PLEKHH1: variants seen among roughly 807,000 people sequenced by gnomAD.
PLEKHH1 encodes the protein pleckstrin homology, MyTH4 and FERM domain containing H1, also known as pleckstrin homology domain-containing family H member 1.
Under a neutral mutation model 160.0 loss-of-function variants are expected in PLEKHH1, and 104 were observed. That is an observed-to-expected ratio of 0.65 (90% CI 0.55 to 0.76). PLEKHH1 has a LOEUF of 0.76. Ranked by LOEUF, PLEKHH1 falls within the 30% of genes least tolerant of loss-of-function variation. The pLI, the probability that PLEKHH1 is intolerant of heterozygous loss-of-function variation, is 0.00. For missense variants in PLEKHH1, 1,427 were observed against 1,724.1 expected (o/e 0.83, Z 3.05); for synonymous variants, 619 against 678.4 (o/e 0.91, Z 1.36).
At chr14:67,552,991 C>G (rs541723685) in intron 2 of PLEKHH1, among the ~76,000 whole-genome samples, 1 of 152,132 alleles carries the variant, frequency 6.6e-6, no homozygotes, top group African/African-American at 2.4e-5. Context: ...AATAACAGAG[C>G]GATTTCTGGT....
intron 28 of PLEKHH1, chr14:67,586,723 C>A: frequency 9.5e-7 from 1 of 1,049,770 alleles, no homozygotes; most frequent in African/African-American, 1.6e-5. Flanking sequence ...TAGAGTTTGC[C>A]AAACCTACTC....
intron 2 of PLEKHH1, among the ~76,000 whole-genome samples, chr14:67,544,788 TG>T (rs1182197747): frequency 6.6e-6 from 1 of 152,228 alleles, no homozygotes; most frequent in Non-Finnish European, 1.5e-5. Context: ...ATAGACTTAA[TG>T]GACAGGAAGA....
chr14:67,579,892 T>C lies in PLEKHH1; in HGVS notation c.3183+16T>C. ...AAGTGTCAAGGTGACAGCCTCCCAC[T>C]AAGCCAGCTGAGCCCCTCCCTGCTC... On this transcript the variant is annotated intron_variant, in intron 22 of 28. Coordinates refer to ENST00000329153, the MANE Select transcript of PLEKHH1 (RefSeq NM_020715.3). 3.8e-6 allele frequency: 6 copies of C among 1,583,518 alleles called. No individual in the cohort carries two copies. The highest frequency in any genetic ancestry group is 5.2e-6 in the Non-Finnish European group (6 of 1,164,548).
chr14:67,549,722 C>T (rs929625036), intron 2 of PLEKHH1, among the ~76,000 whole-genome samples: 2 of 152,164 alleles, frequency 1.3e-5, no homozygotes, highest in Non-Finnish European at 2.9e-5. Flanking sequence ...AGGCTGCATC[C>T]CTGAAGGAGT....
chr14:67,576,032 G>T lies in PLEKHH1; in HGVS notation c.2352+27G>T. Reference sequence around the variant, plus strand: ...TAAGGAAGAGGGCTGGGCCTCCAGGGCCAAGCTTGGACCTGTGATTCTGAT... The same window carrying T: ...TAAGGAAGAGGGCTGGGCCTCCAGGTCCAAGCTTGGACCTGTGATTCTGAT... On this transcript the variant is annotated intron_variant, in intron 16 of 28. Coordinates refer to ENST00000329153, the MANE Select transcript of PLEKHH1 (RefSeq NM_020715.3). The surrounding 1 kb of genome is among the most constrained non-coding windows in gnomAD (Gnocchi z 4.0). 1 of 1,548,876 alleles carries T rather than the reference G, an allele frequency of 6.5e-7. No homozygotes were observed. Among genetic ancestry groups the T allele is most frequent in the Non-Finnish European group, 8.8e-7 (1 of 1,131,318 alleles).
In PLEKHH1 at chr14:67,576,645, C is replaced by T; in HGVS notation, c.2461+142C>T. The T allele has an allele frequency of 1.8e-6, 1 of 547,946 alleles. No individual in the cohort carries two copies. Among genetic ancestry groups the T allele is most frequent in the South Asian group, 2.2e-5 (1 of 45,830 alleles). The allele number at this position is 547,946 out of a possible 1,614,324, so 33.9% of individuals were successfully genotyped here. A position where few individuals can be genotyped will look rare whatever the true frequency, so the allele number is the denominator to read the frequency against. On this transcript the variant is annotated intron_variant, in intron 17 of 28. Coordinates refer to ENST00000329153, the MANE Select transcript of PLEKHH1 (RefSeq NM_020715.3). The surrounding 1 kb of genome is among the most constrained non-coding windows in gnomAD (Gnocchi z 4.0). ...CACAGAGGGGAAGTTCCCATCCAAG[C>T]TCCAGGGCCCCTCTGTCTCCGGCTG...
At position 67,582,370 on chromosome 14, in the gene PLEKHH1, G is replaced by C. The variant is rs189102111; in HGVS notation, c.3426+160G>C. 1.5e-4 allele frequency: 186 copies of C among 1,256,778 alleles called. 3 individuals carry two copies. The highest frequency in any genetic ancestry group is 4.0e-4 in the South Asian group (30 of 74,258). 77.9% of individuals were successfully genotyped at this position (1,256,778 alleles called of 1,614,324 possible). ...GAAAGCAGCTGACTTCTACAGATCA[G>C]AGCTCCTCACTCACCGCAGATATAG... On this transcript the variant is annotated intron_variant, in intron 24 of 28. Coordinates refer to ENST00000329153, the MANE Select transcript of PLEKHH1 (RefSeq NM_020715.3). This position sits in a 1 kb window ranked among gnomAD's most constrained non-coding sequence, Gnocchi z 5.0.
chr14:67,555,568 G>A (rs1488379787), intron 2 of PLEKHH1, among the ~76,000 whole-genome samples: 2 of 152,162 alleles, frequency 1.3e-5, no homozygotes, highest in East Asian at 3.9e-4. Flanking sequence ...CCCTCCATCA[G>A]GACAAAAGAG....
rs770929022 is a variant in PLEKHH1, at chr14:67,574,332, G to A, written c.2017G>A (p.Val673Met). The A allele has an allele frequency of 6.2e-7, 1 of 1,602,938 alleles. No homozygotes were observed. The highest frequency in any genetic ancestry group is 8.5e-7 in the Non-Finnish European group (1 of 1,174,818). ...WIRVLQSLLK[V>M]QATGPPALLR... ...CCGAGTACTCCAGAGCCTGCTGAAGGTGCAGGCCACCGGGCCTCCAGCTCT... is the reference window on the plus strand; with the variant it reads ...CCGAGTACTCCAGAGCCTGCTGAAGATGCAGGCCACCGGGCCTCCAGCTCT... Residue 673 changes from valine to methionine, a missense_variant, in exon 14 of 29, where the codon GTG becomes ATG. By Grantham distance (21) the Val-to-Met change is conservative. Around this residue, in one of 6 missense-constraint regions of PLEKHH1, gnomAD observed 831 missense variants for 929.2 expected, o/e 0.89. Transcript: ENST00000329153. The surrounding 1 kb of genome is among the most constrained non-coding windows in gnomAD (Gnocchi z 4.2).
intron 3 of PLEKHH1, among the ~76,000 whole-genome samples, chr14:67,556,324 T>C (rs1353933062): frequency 6.6e-6 from 1 of 152,226 alleles, no homozygotes; most frequent in African/African-American, 2.4e-5. Context: ...TTATTAGAGA[T>C]GGGGTCTTGC....
chr14:67,578,754 G>A lies in PLEKHH1; in HGVS notation c.2849+123G>A, dbSNP rs911946996. 1.7e-5 allele frequency: 12 copies of A among 709,934 alleles called. No homozygotes were observed. The highest frequency in any genetic ancestry group is 8.7e-5 in the African/African-American group (5 of 57,362). 44.0% of individuals were successfully genotyped at this position (709,934 alleles called of 1,614,324 possible). On this transcript the variant is annotated intron_variant, in intron 20 of 28. Coordinates refer to ENST00000329153, the MANE Select transcript of PLEKHH1 (RefSeq NM_020715.3). This position sits in a 1 kb window ranked among gnomAD's most constrained non-coding sequence, Gnocchi z 5.0. ...TGTCCTCTGAAACCGCTCAGTGGTC[G>A]TGGAGACTTCACCCATTGCCGTGTG...
At chr14:67,546,175 A>G (rs1413557816) in intron 2 of PLEKHH1, among the ~76,000 whole-genome samples, 1 of 152,184 alleles carries the variant, frequency 6.6e-6, no homozygotes, top group Non-Finnish European at 1.5e-5. Flanking sequence ...TATAAAAACA[A>G]CCAAGTGTAG....
At position 67,588,849 on chromosome 14, in the gene PLEKHH1, C is replaced by G. The variant is rs560036675; in HGVS notation, c.*1614C>G. ...TGAACACCTCAGCTGCTGTAAGCTT[C>G]TCCTCTCTCACCCCGTAAACTGACA... On this transcript the variant is annotated 3_prime_UTR_variant, in exon 29 of 29. Coordinates refer to ENST00000329153, the MANE Select transcript of PLEKHH1 (RefSeq NM_020715.3). 9.2e-5 allele frequency: 14 copies of G among 152,784 alleles called. No homozygotes were observed. The South Asian group carries it at 2.9e-3, about 32-fold the overall frequency. 9.5% of individuals were successfully genotyped at this position (152,784 alleles called of 1,614,324 possible).
intron 1 of PLEKHH1, among the ~76,000 whole-genome samples, chr14:67,539,056 C>A (rs2033860755): frequency 6.6e-6 from 1 of 152,142 alleles, no homozygotes; most frequent in Non-Finnish European, 1.5e-5. Flanking sequence ...TTGCCCCTTG[C>A]TTTTATGCTT....
intron 21 of PLEKHH1, 187 bp from the exon 22 acceptor site, chr14:67,579,534 T>C: frequency 1.5e-6 from 1 of 658,400 alleles, no homozygotes; most frequent in East Asian, 2.8e-5. Context: ...GCCCAGTTCA[T>C]TTACAGTGGA....
chr14:67,559,561 C>T (rs371154196), intron 4 of PLEKHH1, 47 bp from the exon 5 acceptor site: 55 of 1,348,926 alleles, frequency 4.1e-5, no homozygotes, highest in Non-Finnish European at 5.2e-5. Flanking sequence ...GTCAGTCACT[C>T]TCCTGGTGAT....
In PLEKHH1 at chr14:67,587,116, T is replaced by G. The variant is rs765112012; in HGVS notation, c.3976T>G (p.Cys1326Gly). Reference sequence around the variant, plus strand: ...CATCATGGCCAGCTATATGAACCATTGCACTACAACTGTGAACCCCCCCAC... The same window carrying G: ...CATCATGGCCAGCTATATGAACCATGGCACTACAACTGTGAACCCCCCCAC... ...TFIMASYMNH[C>G]TTTVNPPTNP... Residue 1326 changes from cysteine to glycine, a missense_variant, in exon 29 of 29, where the codon TGC (cysteine) becomes GGC (glycine). By Grantham distance (159) the Cys-to-Gly change is radical. Transcript: ENST00000329153. 14 of 1,613,664 alleles carry G rather than the reference T, an allele frequency of 8.7e-6. No homozygotes were observed. Among genetic ancestry groups the G allele is most frequent in the Non-Finnish European group, 1.2e-5 (14 of 1,179,714 alleles).
intron 4 of PLEKHH1, among the ~76,000 whole-genome samples, chr14:67,558,768 C>T (rs540551743): frequency 6.6e-6 from 1 of 152,236 alleles, no homozygotes; most frequent in Non-Finnish European, 1.5e-5. Flanking sequence ...CAAACCAGGT[C>T]AGGGTTGGCC....
intron 22 of PLEKHH1, chr14:67,580,237 A>C (rs1424063945): frequency 5.0e-6 from 1 of 201,056 alleles, no homozygotes; most frequent in Non-Finnish European, 1.0e-5. Flanking sequence ...GACCCCCTGG[A>C]TGTCAGGTGG....
Sources: allele counts gnomAD v4.1 joint callset (sites outside exome capture counted in the v4.1 genomes callset), GRCh38; gene constraint gnomAD v4.1.1; regional missense constraint gnomAD v4.1.1; non-coding constraint Gnocchi (gnomAD v3.1); transcripts MANE v1.5; gene names NCBI Gene and HGNC (gene_info 2026-07-23, HGNC 2026-07-21).